SIN3B: variants seen among roughly 807,000 people sequenced by gnomAD.
The protein encoded by SIN3B is paired amphipathic helix protein Sin3b.
In SIN3B, 19 loss-of-function variants were observed where a neutral mutation model predicts 120.2. The observed-to-expected ratio is 0.16, with a 90% CI of 0.11 to 0.23. The LOEUF is 0.23. SIN3B is among the 10% of genes least tolerant of loss of function. SIN3B has a pLI of 1.00. For synonymous variants in SIN3B, 654 were observed against 653.2 expected, an observed-to-expected ratio of 1.00 and a Z score of -0.02; for missense variants, 1,073 against 1,573.0, an observed-to-expected ratio of 0.68 and a Z score of 5.38.
intron 4 of SIN3B, among the ~76,000 whole-genome samples, chr19:16,844,388 G>T (rs2144586623): frequency 6.6e-6 from 1 of 152,276 alleles, no homozygotes; most frequent in East Asian, 1.9e-4. Context: ...CTCCCTCGGG[G>T]TTCTTATCCG....
At chr19:16,858,493 G>C (rs80244549) in intron 8 of SIN3B, among the ~76,000 whole-genome samples, 1 of 150,952 alleles carries the variant, frequency 6.6e-6, no homozygotes, top group African/African-American at 2.4e-5. Flanking sequence ...TGTTTCCTTT[G>C]TTTTTTTTTA....
At position 16,869,769 on chromosome 19, in the gene SIN3B, C is replaced by T; in HGVS notation, c.2116C>T (p.His706Tyr). 1 of 1,613,562 alleles carries T rather than the reference C, an allele frequency of 6.2e-7. No individual in the cohort carries two copies. Among genetic ancestry groups the T allele is most frequent in the Non-Finnish European group, 8.5e-7 (1 of 1,179,918 alleles). The change falls in exon 13 of 19, where the codon CAC (histidine) becomes TAC (tyrosine). Residue 706 changes from histidine (H) to tyrosine (Y), a missense_variant. By Grantham distance (83) the His-to-Tyr change is moderately conservative. Coordinates refer to ENST00000248054, the MANE Select transcript of SIN3B (RefSeq NM_001297595.2). ...SERKKPAPGP[H>Y]SSPPEEKGAF... The stretch of plus-strand genomic sequence containing the variant: ...GCGGAAGAAGCCGGCGCCAGGACCC[C>T]ACAGTAGCCCCCCAGAGGAGAAGGG...
chr19:16,874,695 TTGGTCTGGTTTGGTTTGGTTTTAGTC>T (rs1323261194), intron 14 of SIN3B, among the ~76,000 whole-genome samples: 2 of 151,558 alleles, frequency 1.3e-5, no homozygotes, highest in African/African-American at 4.8e-5. Context: ...TCTGGTCTGT[TTGGTCTGGTTTGGTTTGGTTTTAGTC>T]TGGTCTGGTC....
Position 16,869,541 on chromosome 19 carries a change from C to G in SIN3B, c.1888C>G (p.Leu630Val). ...CTTTGTGTACGAGGACCGGCAGATC[C>G]TGGAGGACGCAGCAGCGCTCATCAG... ...LIFVYEDRQILEDAAALISYY... is the reference protein window; with the variant it reads ...LIFVYEDRQIVEDAAALISYY... Residue 630 changes from leucine to valine, a missense_variant, in exon 13 of 19, where the codon CTG (leucine) becomes GTG (valine). By Grantham distance (32) the Leu-to-Val change is conservative. Around this residue, in one of 7 missense-constraint regions of SIN3B, gnomAD observed 169 missense variants for 207.3 expected, o/e 0.82. Coordinates refer to ENST00000248054, the MANE Select transcript of SIN3B (RefSeq NM_001297595.2). The G allele has an allele frequency of 1.9e-6, 3 of 1,613,938 alleles. No individual in the cohort carries two copies. The highest frequency in any genetic ancestry group is 1.7e-5 in the Admixed American group (1 of 60,030).
Position 16,876,853 on chromosome 19 carries a change from GCCC to G in SIN3B, c.2859+278_2859+280del, listed in dbSNP as rs2051615178. 1 of 394,726 alleles carries G rather than the reference GCCC, an allele frequency of 2.5e-6. No individual in the cohort carries two copies. The highest frequency in any genetic ancestry group is 4.2e-5 in the Admixed American group (1 of 23,662). 24.5% of individuals were successfully genotyped at this position (394,726 alleles called of 1,614,324 possible). On this transcript the variant is annotated intron_variant, in intron 16 of 18. Transcript: ENST00000248054. This position sits in a 1 kb window ranked among gnomAD's most constrained non-coding sequence, Gnocchi z 7.1. ...AGGGGAACCAAGCCACCTCTCCCTG[GCCC>G]CCGACTCCCACTCAGGGCATCCCGT...
chr19:16,829,705 G>GCCCATC, intron 1 of SIN3B, 86 bp from the exon 2 acceptor site: 1 of 1,183,720 alleles, frequency 8.4e-7, no homozygotes, highest in East Asian at 4.1e-5. Flanking sequence ...CGAAAGCCCA[G>GCCCATC]CCCATCCCCT....
intron 3 of SIN3B, among the ~76,000 whole-genome samples, chr19:16,839,674 C>G (rs1284983362): frequency 6.6e-6 from 1 of 152,130 alleles, no homozygotes. Flanking sequence ...ACGCAGCCCC[C>G]TGTGAGCCTG....
intron 2 of SIN3B, among the ~76,000 whole-genome samples, chr19:16,830,729 C>T (rs1971267753): frequency 6.6e-6 from 1 of 152,202 alleles, no homozygotes; most frequent in Non-Finnish European, 1.5e-5. Context: ...TCCTATTTTT[C>T]TTACACCTTT....
chr19:16,833,495 A>G (rs1338159107), intron 3 of SIN3B, among the ~76,000 whole-genome samples: 3 of 151,850 alleles, frequency 2.0e-5, no homozygotes, highest in Non-Finnish European at 2.9e-5. Flanking sequence ...AGCCAGGCGC[A>G]GTGGAGCATG....
At chr19:16,871,501 C>A in intron 14 of SIN3B, 103 bp downstream of exon 14, 1 of 1,099,634 alleles carries the variant, frequency 9.1e-7, no homozygotes. Context: ...CACAGCAAAC[C>A]TATCCTGTTT....
chr19:16,833,007 G>GT (rs1353670246), intron 3 of SIN3B, among the ~76,000 whole-genome samples: 3 of 152,204 alleles, frequency 2.0e-5, no homozygotes, highest in Non-Finnish European at 4.4e-5. Context: ...TCTGTAGCGT[G>GT]TACCTACCAG....
Position 16,877,534 on chromosome 19 carries a change from CCT to C in SIN3B, c.2860-10_2860-9del. The C allele has an allele frequency of 1.3e-6, 2 of 1,595,166 alleles. No homozygotes were observed. The highest frequency in any genetic ancestry group is 8.5e-7 in the Non-Finnish European group (1 of 1,170,032). Reference sequence around the variant, plus strand: ...AGGGGCATCACGGGCTGTGTCTCTCCCTGTCCCCAGCACCTGGCTCGGTACGT... The same window carrying C: ...AGGGGCATCACGGGCTGTGTCTCTCCGTCCCCAGCACCTGGCTCGGTACGT... On this transcript the variant is annotated splice_polypyrimidine_tract_variant and intron_variant, in intron 16 of 18. Transcript: ENST00000248054.
chr19:16,829,978 A>G (rs1471422169), intron 2 of SIN3B, 81 bp downstream of exon 2: 3 of 906,702 alleles, frequency 3.3e-6, no homozygotes, highest in Admixed American at 3.7e-5. Flanking sequence ...TCCCCTCTCC[A>G]GCCTGCCCCC....
chr19:16,838,994 A>C (rs1376986611), intron 3 of SIN3B, among the ~76,000 whole-genome samples: 2 of 59,810 alleles, frequency 3.3e-5, no homozygotes, highest in East Asian at 4.9e-4. Flanking sequence ...TTTTTTTGAG[A>C]TGGGGTTTTG....
At chr19:16,873,135 G>A (rs568132549) in intron 14 of SIN3B, among the ~76,000 whole-genome samples, 1 of 142,604 alleles carries the variant, frequency 7.0e-6, no homozygotes, top group South Asian at 2.4e-4. Flanking sequence ...ATCTCGGTGG[G>A]CTCACGTTGC....
intron 12 of SIN3B, among the ~76,000 whole-genome samples, chr19:16,867,954 C>T (rs1046229484): frequency 2.6e-5 from 4 of 152,308 alleles, no homozygotes; most frequent in South Asian, 2.1e-4. Flanking sequence ...TCCACCAATG[C>T]GACCCTGAGT....
At chr19:16,829,655 G>A in intron 1 of SIN3B, 115 bp downstream of exon 1, 2 of 1,071,920 alleles carry the variant, frequency 1.9e-6, no homozygotes, top group Admixed American at 3.7e-5. Flanking sequence ...CCTCTGCACT[G>A]CCCCGGACCC....
chr19:16,870,170 G>A, intron 13 of SIN3B, 95 bp downstream of exon 13: 1 of 1,295,534 alleles, frequency 7.7e-7, no homozygotes, highest in Admixed American at 2.9e-5. Flanking sequence ...TTTCTTTCTG[G>A]CTTTTCATTT....
rs1447878569 is a variant in SIN3B at position 16,869,488 on chromosome 19, G to A, written c.1835G>A (p.Ser612Asn). 4 of 1,611,826 alleles carry A rather than the reference G, an allele frequency of 2.5e-6. No homozygotes were observed. Among genetic ancestry groups the A allele is most frequent in the Non-Finnish European group, 3.4e-6 (4 of 1,178,596 alleles). Residue 612 changes from serine to asparagine, a missense_variant, in exon 13 of 19, where the codon AGT becomes AAT. Physicochemically the swap from Ser to Asn is conservative, Grantham distance 46 (BLOSUM62 1). Coordinates refer to ENST00000248054, the MANE Select transcript of SIN3B (RefSeq NM_001297595.2). ...CAGGAGCAGCACTCGGAGGGCCGCA[G>A]TGCCCCCTCTAGCGAGCCGCACCTC... ...EHQEQHSEGR[S>N]APSSEPHLIF...
Sources: allele counts gnomAD v4.1 joint callset (sites outside exome capture counted in the v4.1 genomes callset), GRCh38; gene constraint gnomAD v4.1.1; regional missense constraint gnomAD v4.1.1; non-coding constraint Gnocchi (gnomAD v3.1); transcripts MANE v1.5; gene names NCBI Gene and HGNC (gene_info 2026-07-23, HGNC 2026-07-21).